Variants in TXNDC15 observed in about 807,000 individuals in gnomAD.
TXNDC15 encodes thioredoxin domain-containing protein 15.
A neutral mutation model predicts 35.0 loss-of-function variants in TXNDC15; 24 were observed. That is an observed-to-expected ratio of 0.68 (90% CI 0.50 to 0.96). The LOEUF is 0.96. Ranked by LOEUF, TXNDC15 falls within the 40% of genes least tolerant of loss-of-function variation. TXNDC15 has a pLI of 0.00. For missense variants in TXNDC15, 385 were observed against 453.3 expected (o/e 0.85, Z 1.37); for synonymous variants, 169 against 174.0 (o/e 0.97, Z 0.23).
chr5:134,882,112 TCTC>T (rs1750163008), intron 1 of TXNDC15, among the ~76,000 whole-genome samples: 1 of 126,632 alleles, frequency 7.9e-6, no homozygotes, highest in Admixed American at 8.3e-5. Flanking sequence ...AGGCAGAGGG[TCTC>T]CTCACTTCTC....
At chr5:134,878,210 T>C (rs889301271) in intron 1 of TXNDC15, among the ~76,000 whole-genome samples, 3 of 152,194 alleles carry the variant, frequency 2.0e-5, no homozygotes, top group Non-Finnish European at 4.4e-5. Context: ...GCAAGCCCAG[T>C]GTGCAGGTTA....
intron 2 of TXNDC15, chr5:134,892,641 G>C (rs1335685591): frequency 6.6e-6 from 1 of 152,074 alleles, no homozygotes; most frequent in Admixed American, 6.6e-5. Flanking sequence ...GTTGGCATTC[G>C]GCATGGCTTC....
rs1354938322 is a variant in TXNDC15, at chr5:134,896,277, A to T, written c.756-17A>T. On this transcript the variant is annotated splice_polypyrimidine_tract_variant and intron_variant, in intron 3 of 4. Coordinates refer to ENST00000358387, the MANE Select transcript of TXNDC15 (RefSeq NM_024715.4). ...ATTAATAATAAATTCAGGTTTTTTG[A>T]CTTCTTTCTCTTGTAGCCTTTCTAC... 2.5e-6 allele frequency: 4 copies of T among 1,599,698 alleles called. No individual in the cohort carries two copies. Among genetic ancestry groups the T allele is most frequent in the Admixed American group, 3.6e-5 (2 of 55,532 alleles).
intron 1 of TXNDC15, among the ~76,000 whole-genome samples, chr5:134,882,604 G>A (rs1445337203): frequency 6.6e-6 from 1 of 152,258 alleles, no homozygotes; most frequent in African/African-American, 2.4e-5. Context: ...TCGGGAGGCC[G>A]AGGCTGGCGG....
chr5:134,883,279 G>T (rs1750197630), intron 1 of TXNDC15, among the ~76,000 whole-genome samples: 2 of 152,044 alleles, frequency 1.3e-5, no homozygotes, highest in Admixed American at 6.6e-5. Flanking sequence ...ACAAAAATTA[G>T]CTGGGCATGG....
At position 134,881,111 on chromosome 5, in the gene TXNDC15, G is replaced by C. The variant is rs187677408; in HGVS notation, c.103+6581G>C. On this transcript the variant is annotated intron_variant, in intron 1 of 4. Coordinates refer to ENST00000358387, the MANE Select transcript of TXNDC15 (RefSeq NM_024715.4). ...TGAAATTGTCCTACGGCCCACTGATGCTCTTAATTTCTTTCCATTCTTTTT... is the reference window on the plus strand; with the variant it reads ...TGAAATTGTCCTACGGCCCACTGATCCTCTTAATTTCTTTCCATTCTTTTT... Among the ~76,000 whole-genome samples, 523 of 149,820 alleles carry C rather than the reference G, an allele frequency of 3.5e-3. 2 individuals carry two copies. Among genetic ancestry groups the C allele is most frequent in the African/African-American group, 0.012 (499 of 40,872 alleles).
chr5:134,880,440 AT>A (rs113856964), intron 1 of TXNDC15, among the ~76,000 whole-genome samples: 261 of 142,266 alleles, frequency 1.8e-3, no homozygotes, highest in Admixed American at 2.0e-3. Context: ...TTCACTTATT[AT>A]TTTTTTTTTT....
At chr5:134,883,131 A>G (rs940075395) in intron 1 of TXNDC15, among the ~76,000 whole-genome samples, 1 of 151,976 alleles carries the variant, frequency 6.6e-6, no homozygotes, top group African/African-American at 2.4e-5. Flanking sequence ...TCTAGCAAAA[A>G]TACAAAATAA....
At position 134,874,429 on chromosome 5, in the gene TXNDC15, TG is replaced by T. The variant is rs1446447193; in HGVS notation, c.4del (p.Val2?). The T allele has an allele frequency of 1.3e-6, 2 of 1,598,540 alleles. No homozygotes were observed. Among genetic ancestry groups the T allele is most frequent in the African/African-American group, 2.8e-5 (2 of 72,726 alleles). The part of the protein sequence containing the change: [M>X]VPAAGRRPPR... ...GCCGATTGCCTCTCGGCCTGGGCAA[TG>T]GTCCCGGCTGCCGGTCGACGACCGC... On this transcript the variant is annotated frameshift_variant and start_lost, in exon 1 of 5. Coordinates refer to ENST00000358387, the MANE Select transcript of TXNDC15 (RefSeq NM_024715.4). LOFTEE classifies it high-confidence loss of function.
intron 1 of TXNDC15, among the ~76,000 whole-genome samples, chr5:134,875,922 G>A (rs1056033648): frequency 6.6e-6 from 1 of 151,918 alleles, no homozygotes; most frequent in African/African-American, 2.4e-5. Context: ...CACCCACCTC[G>A]GCCTCCCAGA....
intron 1 of TXNDC15, among the ~76,000 whole-genome samples, chr5:134,886,674 C>T (rs559037591): frequency 9.6e-4 from 147 of 152,368 alleles, no homozygotes; most frequent in South Asian, 2.3e-3. Context: ...GGCAGGAGAG[C>T]AGAGTCCAGC....
chr5:134,891,919 A>ATAAATAAATAAATAATAAGATTTATTGT (rs1750396380), intron 2 of TXNDC15, among the ~76,000 whole-genome samples: 2 of 152,146 alleles, frequency 1.3e-5, no homozygotes, highest in African/African-American at 4.8e-5. Flanking sequence ...TGTCAAATAA[A>ATAAATAAATAAATAATAAGATTTATTGT]TAAATAAATA....
At chr5:134,891,883 C>G (rs1750395309) in intron 2 of TXNDC15, among the ~76,000 whole-genome samples, 1 of 152,014 alleles carries the variant, frequency 6.6e-6, no homozygotes, top group Admixed American at 6.6e-5. Context: ...CCACTGTACT[C>G]CAGCCTGGGT....
intron 2 of TXNDC15, among the ~76,000 whole-genome samples, chr5:134,888,809 A>C (rs530797693): frequency 1.2e-4 from 18 of 152,248 alleles, no homozygotes; most frequent in Admixed American, 6.5e-5. Flanking sequence ...TGAAGTATTT[A>C]TTTATTACAG....
chr5:134,899,727 C>T lies in TXNDC15; in HGVS notation c.*42C>T, dbSNP rs184691179. Reference sequence around the variant, plus strand: ...GTTGGAAAGAGGAACTTCAATCCTTCGTTTCAGAAATTAGTGCTACAGTTT... The same window carrying T: ...GTTGGAAAGAGGAACTTCAATCCTTTGTTTCAGAAATTAGTGCTACAGTTT... On this transcript the variant is annotated 3_prime_UTR_variant, in exon 5 of 5. Coordinates refer to ENST00000358387, the MANE Select transcript of TXNDC15 (RefSeq NM_024715.4). 3.0e-5 allele frequency: 44 copies of T among 1,480,834 alleles called. No homozygotes were observed. The African/African-American group carries it at 4.3e-4, about 14-fold the overall frequency. The allele number at this position is 1,480,834 out of a possible 1,614,324, so 91.7% of individuals were successfully genotyped here.
chr5:134,879,568 A>G (rs558440809), intron 1 of TXNDC15, among the ~76,000 whole-genome samples: 1 of 152,274 alleles, frequency 6.6e-6, no homozygotes, highest in African/African-American at 2.4e-5. Flanking sequence ...TACAGGCAAT[A>G]CACACTCATT....
Position 134,887,908 on chromosome 5 carries a change from G to C in TXNDC15, c.317G>C (p.Ser106Thr), listed in dbSNP as rs758309291. 1.5e-5 allele frequency: 25 copies of C among 1,614,108 alleles called. No individual in the cohort carries two copies. The Admixed American group carries it at 4.0e-4, about 26-fold the overall frequency. Residue 106 changes from serine (S) to threonine (T), a missense_variant, in exon 2 of 5, where the codon AGT becomes ACT. Physicochemically the swap from Ser to Thr is moderately conservative, Grantham distance 58. Coordinates refer to ENST00000358387, the MANE Select transcript of TXNDC15 (RefSeq NM_024715.4). The part of the protein sequence containing the change: ...VIPGEAEDKV[S>T]SEPSGVTCGA... ...CCTGGGGAAGCTGAGGACAAAGTGAGTTCAGAGCCTAGCGGCGTCACCTGT... is the reference window on the plus strand; with the variant it reads ...CCTGGGGAAGCTGAGGACAAAGTGACTTCAGAGCCTAGCGGCGTCACCTGT...
At chr5:134,899,419 A>T in intron 4 of TXNDC15, 70 bp from the exon 5 acceptor site, 1 of 1,384,442 alleles carries the variant, frequency 7.2e-7, no homozygotes. Context: ...CATACCATAC[A>T]TAATACTTGA....
At position 134,893,749 on chromosome 5, in the gene TXNDC15, G is replaced by A. The variant is rs146184110; in HGVS notation, c.755+94G>A. 4.8e-4 allele frequency: 726 copies of A among 1,518,528 alleles called. 1 individual carries two copies. The African/African-American group carries it at 9.2e-3, about 19-fold the overall frequency. 94.1% of individuals were successfully genotyped at this position (1,518,528 alleles called of 1,614,324 possible). ...TTAGTTAAGTTAGAAGCAGAAGAGG[G>A]GGGGCATGAACTGTGTCCTGGGATG... is the stretch of plus-strand genomic sequence containing the variant. On this transcript the variant is annotated intron_variant, in intron 3 of 4. Transcript: ENST00000358387.
Sources: allele counts gnomAD v4.1 joint callset (sites outside exome capture counted in the v4.1 genomes callset), GRCh38; gene constraint gnomAD v4.1.1; transcripts MANE v1.5; gene names NCBI Gene and HGNC (gene_info 2026-07-23, HGNC 2026-07-21).